The following GABRG1 variants were observed in gnomAD, a reference collection of about 807,000 sequenced individuals.
GABRG1 encodes gamma-aminobutyric acid receptor subunit gamma-1.
GABRG1 carries 49 observed loss-of-function variants against 49.8 expected under a neutral mutation model. The observed-to-expected ratio is 0.98, with a 90% CI of 0.78 to 1.25. The LOEUF (loss-of-function observed/expected upper bound fraction) is 1.25, where lower values mean the gene tolerates loss of function less well. Among genes scored for constraint, GABRG1 ranks in the 50% most tolerant of loss-of-function variants. The pLI, the probability that GABRG1 is intolerant of heterozygous loss-of-function variation, is 0.00. For missense variants in GABRG1, 552 were observed against 552.3 expected (o/e 1.00, Z 0.01); for synonymous variants, 232 against 185.1 (o/e 1.25, Z -2.06).
At chr4:46,074,947 G>C (rs1041179523) in intron 3 of GABRG1, among the ~76,000 whole-genome samples, 1 of 151,948 alleles carries the variant, frequency 6.6e-6, no homozygotes, top group African/African-American at 2.4e-5. Flanking sequence ...ACTAGAGTAG[G>C]GTGCTGACTG....
At chr4:46,082,544 G>A (rs1719614411) in intron 3 of GABRG1, among the ~76,000 whole-genome samples, 1 of 151,742 alleles carries the variant, frequency 6.6e-6, no homozygotes, top group Admixed American at 6.6e-5. Context: ...CAATTTTGAA[G>A]ATGAAGGAGG....
At chr4:46,058,659 A>G in intron 5 of GABRG1, 37 bp from the exon 6 acceptor site, 1 of 1,529,456 alleles carries the variant, frequency 6.5e-7, no homozygotes, top group South Asian at 1.2e-5. Context: ...CAAGATCCAA[A>G]TTTGATACCA....
At chr4:46,109,719 C>A (rs1720661672) in intron 1 of GABRG1, among the ~76,000 whole-genome samples, 1 of 151,104 alleles carries the variant, frequency 6.6e-6, no homozygotes, top group Non-Finnish European at 1.5e-5. Flanking sequence ...GTGTCTCTGT[C>A]TTCATTTATT....
intron 3 of GABRG1, among the ~76,000 whole-genome samples, chr4:46,075,888 T>G (rs960277204): frequency 2.4e-4 from 36 of 152,038 alleles, no homozygotes; most frequent in African/African-American, 8.2e-4. Context: ...CATTTATAAG[T>G]GGGAACGTAA....
chr4:46,053,555 T>A (rs983735812), intron 7 of GABRG1, among the ~76,000 whole-genome samples: 1 of 151,972 alleles, frequency 6.6e-6, no homozygotes, highest in Non-Finnish European at 1.5e-5. Flanking sequence ...TATACAAGTC[T>A]CCCTTTGCCT....
intron 8 of GABRG1, 129 bp from the exon 9 acceptor site, chr4:46,041,383 T>C: frequency 1.3e-6 from 1 of 741,614 alleles, no homozygotes; most frequent in African/African-American, 1.8e-5. Context: ...AAAAATCAAG[T>C]ATTTTCAATT....
intron 7 of GABRG1, among the ~76,000 whole-genome samples, chr4:46,053,210 C>T (rs1374745436): frequency 1.3e-5 from 2 of 151,370 alleles, no homozygotes; most frequent in African/African-American, 2.4e-5. Context: ...TAATTTACTT[C>T]CTTTTTTGTT....
chr4:46,109,421 T>C (rs1378874477), intron 1 of GABRG1, among the ~76,000 whole-genome samples: 1 of 151,024 alleles, frequency 6.6e-6, no homozygotes, highest in Non-Finnish European at 1.5e-5. Flanking sequence ...TCTTTTTCTT[T>C]GTTAATCTAG....
intron 3 of GABRG1, among the ~76,000 whole-genome samples, chr4:46,083,289 C>A (rs1719639639): frequency 6.6e-6 from 1 of 151,678 alleles, no homozygotes; most frequent in African/African-American, 2.4e-5. Flanking sequence ...CAGACTAACA[C>A]AATAACCTGT....
At chr4:46,092,221 T>C (rs1326123297) in intron 2 of GABRG1, among the ~76,000 whole-genome samples, 1 of 152,082 alleles carries the variant, frequency 6.6e-6, no homozygotes, top group Non-Finnish European at 1.5e-5. Flanking sequence ...GAAATGATAA[T>C]TTATTGGTAT....
At chr4:46,081,287 C>A (rs1377077241) in intron 3 of GABRG1, among the ~76,000 whole-genome samples, 3 of 151,764 alleles carry the variant, frequency 2.0e-5, no homozygotes, top group Non-Finnish European at 4.4e-5. Context: ...AATCTTAGCC[C>A]CTAATTTAAG....
intron 4 of GABRG1, among the ~76,000 whole-genome samples, chr4:46,064,866 A>T (rs1718847098): frequency 6.6e-6 from 1 of 152,062 alleles, no homozygotes; most frequent in South Asian, 2.1e-4. Flanking sequence ...AAGTATGGTA[A>T]TTTTTTCTCT....
intron 8 of GABRG1, among the ~76,000 whole-genome samples, chr4:46,042,838 G>A (rs1054215964): frequency 2.6e-5 from 4 of 151,896 alleles, no homozygotes; most frequent in African/African-American, 7.2e-5. Context: ...GCACCTTGAG[G>A]ATAAGGAGAA....
chr4:46,106,857 G>A (rs901832647), intron 1 of GABRG1, among the ~76,000 whole-genome samples: 9 of 151,138 alleles, frequency 6.0e-5, no homozygotes, highest in South Asian at 2.1e-4. Flanking sequence ...AATCTGTCAT[G>A]CATGGTCACC....
chr4:46,076,008 C>T (rs1424727932), intron 3 of GABRG1, among the ~76,000 whole-genome samples: 1 of 151,746 alleles, frequency 6.6e-6, no homozygotes, highest in Non-Finnish European at 1.5e-5. Flanking sequence ...GGTAAATGTA[C>T]ATTATTGTGA....
At chr4:46,088,551 C>CTTAA (rs1719864265) in intron 2 of GABRG1, among the ~76,000 whole-genome samples, 1 of 151,954 alleles carries the variant, frequency 6.6e-6, no homozygotes, top group Non-Finnish European at 1.5e-5. Flanking sequence ...ATTTGTATCT[C>CTTAA]TTAACTTGCG....
intron 1 of GABRG1, among the ~76,000 whole-genome samples, chr4:46,108,777 C>T (rs961631726): frequency 1.3e-5 from 2 of 150,946 alleles, no homozygotes; most frequent in African/African-American, 4.8e-5. Context: ...GAAGATCACT[C>T]AGTTTCTGAG....
At chr4:46,099,305 A>G (rs974235830) in intron 1 of GABRG1, among the ~76,000 whole-genome samples, 2 of 151,708 alleles carry the variant, frequency 1.3e-5, no homozygotes, top group African/African-American at 4.8e-5. Flanking sequence ...AGTGTCAGTG[A>G]AGTTTATTAC....
chr4:46,119,291 C>A (rs1410871922), intron 1 of GABRG1, among the ~76,000 whole-genome samples: 1 of 151,190 alleles, frequency 6.6e-6, no homozygotes, highest in Non-Finnish European at 1.5e-5. Context: ...CTCTTTTTTT[C>A]TCCATTTCCT....
Sources: gnomAD v4.1 joint callset for allele counts (sites outside exome capture counted in the v4.1 genomes callset) on GRCh38, gnomAD v4.1.1 for gene constraint, MANE v1.5 for transcripts, NCBI Gene and HGNC (gene_info 2026-07-23, HGNC 2026-07-21) for gene names.